FBXO22: variants seen among roughly 807,000 people sequenced by gnomAD.
The protein encoded by FBXO22 is F-box only protein 22.
A neutral mutation model predicts 37.2 loss-of-function variants in FBXO22; 13 were observed. The observed-to-expected ratio is 0.35, with a 90% CI of 0.23 to 0.56. The LOEUF (loss-of-function observed/expected upper bound fraction) is 0.56, where lower values mean the gene tolerates loss of function less well. Ranked by LOEUF, FBXO22 falls within the 20% of genes least tolerant of loss-of-function variation. The probability of loss-of-function intolerance (pLI) is 0.87; values close to 1 mark genes in which losing one functional copy is unlikely to be tolerated. For missense variants in FBXO22, 446 were observed against 509.9 expected (o/e 0.87, Z 1.21); for synonymous variants, 189 against 189.1 (o/e 1.00, Z 0.00).
Position 75,927,707 on chromosome 15 carries a change from G to A in FBXO22, c.629-2177G>A, listed in dbSNP as rs2029876155. 2.0e-5 allele frequency among the ~76,000 whole-genome samples: 3 copies of A among 152,180 alleles called. No individual in the cohort carries two copies. The South Asian group carries it at 6.2e-4, about 32-fold the overall frequency. On this transcript the variant is annotated intron_variant, in intron 5 of 6. Coordinates refer to ENST00000308275, the MANE Select transcript of FBXO22 (RefSeq NM_147188.3). Reference sequence around the variant, plus strand: ...TCATGAAAGTAATATTCTTTTTACTGTCCAAGTCAGTAATTTACTGTGTAG... The same window carrying A: ...TCATGAAAGTAATATTCTTTTTACTATCCAAGTCAGTAATTTACTGTGTAG...
intron 3 of FBXO22, 34 bp from the exon 4 acceptor site, chr15:75,914,076 T>C (rs1417796984): frequency 6.9e-7 from 1 of 1,453,906 alleles, no homozygotes; most frequent in East Asian, 2.3e-5. Flanking sequence ...TTTAAATGGA[T>C]GATATTTATC....
At position 75,917,406 on chromosome 15, in the gene FBXO22, T is replaced by G. The variant is rs1337989657; in HGVS notation, c.628+12T>G. 1 of 1,534,380 alleles carries G rather than the reference T, an allele frequency of 6.5e-7. No individual in the cohort carries two copies. The highest frequency in any genetic ancestry group is 8.9e-7 in the Non-Finnish European group (1 of 1,125,392). On this transcript the variant is annotated intron_variant, in intron 5 of 6. Coordinates refer to ENST00000308275, the MANE Select transcript of FBXO22 (RefSeq NM_147188.3). ...ACTCACTGAAGTAGGTAAGTTACTT[T>G]TATTTATCATTAACTGCTCATTTTA...
intron 6 of FBXO22, among the ~76,000 whole-genome samples, chr15:75,932,439 G>A (rs1238463665): frequency 6.6e-6 from 1 of 152,148 alleles, no homozygotes; most frequent in Non-Finnish European, 1.5e-5. Context: ...AATCGTTATG[G>A]ATGTGCATTG....
chr15:75,933,917 T>C lies in FBXO22; in HGVS notation c.*815T>C, dbSNP rs1373806705. On this transcript the variant is annotated 3_prime_UTR_variant, in exon 7 of 7. Transcript: ENST00000308275. ...ATGAAAACCCAGAATAGTTGGTATG[T>C]CAGCTAGTCATTCCTGTCATATTCC... 1 of 155,776 alleles carries C rather than the reference T, an allele frequency of 6.4e-6. No individual in the cohort carries two copies. Among genetic ancestry groups the C allele is most frequent in the Non-Finnish European group, 1.4e-5 (1 of 69,994 alleles). The allele number at this position is 155,776 out of a possible 1,614,324, so 9.6% of individuals were successfully genotyped here.
At chr15:75,918,966 G>A (rs1417839658) in intron 5 of FBXO22, among the ~76,000 whole-genome samples, 1 of 151,736 alleles carries the variant, frequency 6.6e-6, no homozygotes, top group African/African-American at 2.4e-5. Context: ...TCTTTTTTTT[G>A]TTTGTTTTGG....
rs549857903 is a variant in FBXO22 at position 75,914,138 on chromosome 15, A to G, written c.396A>G (p.Ala132=). The change falls in exon 4 of 7, where the codon GCA becomes GCG. Residue 132 remains alanine (A), a synonymous_variant. Transcript: ENST00000308275. ...RARKRTSMET[A]LALEKLFPKQ... ...GGAAAAGAACTAGTATGGAAACAGC[A>G]CTTGCCCTTGAGAAGCTATTCCCCA... The G allele has an allele frequency of 6.2e-7, 1 of 1,613,750 alleles. No individual in the cohort carries two copies. The highest frequency in any genetic ancestry group is 1.3e-5 in the African/African-American group (1 of 75,040).
At chr15:75,923,211 A>C (rs1340717731) in intron 5 of FBXO22, among the ~76,000 whole-genome samples, 1 of 152,066 alleles carries the variant, frequency 6.6e-6, no homozygotes, top group East Asian at 1.9e-4. Flanking sequence ...AGCAGCAGAA[A>C]CCCTTTTGTG....
chr15:75,930,860 T>A, intron 6 of FBXO22: 1 of 984,042 alleles, frequency 1.0e-6, no homozygotes, highest in Non-Finnish European at 1.2e-6. Flanking sequence ...GGACAGACTG[T>A]TGCAGATCAG....
In FBXO22 at chr15:75,932,887, T is replaced by A; in HGVS notation, c.997T>A (p.Tyr333Asn). ...MFACVGRGFQ[Y>N]YRAKGNVEAD... Reference sequence around the variant, plus strand: ...TGCATGCGTTGGCAGGGGCTTTCAGTATTACAGAGCCAAGGGGAATGTTGA... The same window carrying A: ...TGCATGCGTTGGCAGGGGCTTTCAGAATTACAGAGCCAAGGGGAATGTTGA... Residue 333 changes from tyrosine to asparagine, a missense_variant, in exon 7 of 7, where the codon TAT becomes AAT. This residue lies in a region of FBXO22 where 315 missense variants were observed against 410.1 expected (regional missense o/e 0.77). Coordinates refer to ENST00000308275, the MANE Select transcript of FBXO22 (RefSeq NM_147188.3). The A allele has an allele frequency of 6.2e-7, 1 of 1,614,260 alleles. No individual in the cohort carries two copies. Among genetic ancestry groups the A allele is most frequent in the Non-Finnish European group, 8.5e-7 (1 of 1,180,040 alleles).
intron 2 of FBXO22, among the ~76,000 whole-genome samples, chr15:75,907,259 A>C (rs1400739942): frequency 6.6e-6 from 1 of 152,208 alleles, no homozygotes; most frequent in Non-Finnish European, 1.5e-5. Context: ...TATCTCCATA[A>C]AATAAAAAGA....
Position 75,934,745 on chromosome 15 carries a change from C to T in FBXO22, c.*1643C>T, listed in dbSNP as rs915536374. 2 of 152,054 alleles carry T rather than the reference C, an allele frequency of 1.3e-5. No individual in the cohort carries two copies. The highest frequency in any genetic ancestry group is 1.9e-4 in the East Asian group (1 of 5,192). The allele number at this position is 152,054 out of a possible 1,614,324, so 9.4% of individuals were successfully genotyped here. A position where few individuals can be genotyped will look rare whatever the true frequency, so the allele number is the denominator to read the frequency against. On this transcript the variant is annotated 3_prime_UTR_variant, in exon 7 of 7. Coordinates refer to ENST00000308275, the MANE Select transcript of FBXO22 (RefSeq NM_147188.3). ...ATCAAAATACCTCAAAATTTTAGTC[C>T]TTGAATGTGCTCATATAGCCCATAA...
At chr15:75,932,562 C>A in intron 6 of FBXO22, 123 bp from the exon 7 acceptor site, 5 of 873,822 alleles carry the variant, frequency 5.7e-6, no homozygotes, top group Non-Finnish European at 8.8e-6. Context: ...TGAGGGTGAG[C>A]CTCAGATTAA....
rs183136762 is a variant in FBXO22, at chr15:75,938,019, T to A, written c.*4917T>A. 64 of 152,350 alleles carry A rather than the reference T, an allele frequency of 4.2e-4. No individual in the cohort carries two copies. Among genetic ancestry groups the A allele is most frequent in the African/African-American group, 1.4e-3 (60 of 41,562 alleles). 9.4% of individuals were successfully genotyped at this position (152,350 alleles called of 1,614,324 possible). On this transcript the variant is annotated 3_prime_UTR_variant, in exon 7 of 7. Coordinates refer to ENST00000308275, the MANE Select transcript of FBXO22 (RefSeq NM_147188.3). Reference sequence around the variant, plus strand: ...CGACATGCATGCCCAGGGAAAACACTTGCCCGGAAAGTTCTAAGACCCAAG... The same window carrying A: ...CGACATGCATGCCCAGGGAAAACACATGCCCGGAAAGTTCTAAGACCCAAG...
Position 75,927,605 on chromosome 15 carries a change from A to G in FBXO22, c.629-2279A>G, listed in dbSNP as rs192760281. 3.1e-3 allele frequency among the ~76,000 whole-genome samples: 475 copies of G among 152,314 alleles called. 2 individuals carry two copies. Among genetic ancestry groups the G allele is most frequent in the African/African-American group, 0.011 (456 of 41,556 alleles). ...CTGAAACTTTGTTCTAAAGAAGAAA[A>G]TATATTCTCTTAAAATTTCGTGGGC... On this transcript the variant is annotated intron_variant, in intron 5 of 6. Transcript: ENST00000308275.
In FBXO22 at chr15:75,941,830, G is replaced by C. The variant is rs976090399; in HGVS notation, c.*8728G>C. On this transcript the variant is annotated 3_prime_UTR_variant, in exon 7 of 7. Coordinates refer to ENST00000308275, the MANE Select transcript of FBXO22 (RefSeq NM_147188.3). ...CATGAAAAAGTTCCGGAGGTGCATA[G>C]TGGTGACTGGTACATACAACGAATG... is the stretch of plus-strand genomic sequence containing the variant. 3 of 151,160 alleles carry C rather than the reference G, an allele frequency of 2.0e-5. No individual in the cohort carries two copies. Among genetic ancestry groups the C allele is most frequent in the Admixed American group, 1.3e-4 (2 of 15,110 alleles). 9.4% of individuals were successfully genotyped at this position (151,160 alleles called of 1,614,324 possible). A position where few individuals can be genotyped will look rare whatever the true frequency, so the allele number is the denominator to read the frequency against.
chr15:75,907,222 T>C (rs951787905), intron 2 of FBXO22, among the ~76,000 whole-genome samples: 2 of 152,212 alleles, frequency 1.3e-5, no homozygotes, highest in African/African-American at 4.8e-5. Flanking sequence ...TTGAAAAAGC[T>C]ACTCAACCTC....
rs185490469 is a variant in FBXO22 at position 75,914,266 on chromosome 15, G to A, written c.463+61G>A. ...GCATTAATGTGGGGTCCTTTGGATT[G>A]GTGAGTTATTTTTAGCTTAGAACCA... is the stretch of plus-strand genomic sequence containing the variant. On this transcript the variant is annotated intron_variant, in intron 4 of 6. Coordinates refer to ENST00000308275, the MANE Select transcript of FBXO22 (RefSeq NM_147188.3). 4.0e-3 allele frequency: 4,690 copies of A among 1,184,580 alleles called. 13 individuals are homozygous for A. The highest frequency in any genetic ancestry group is 5.2e-3 in the Non-Finnish European group (4,187 of 802,514). 73.4% of individuals were successfully genotyped at this position (1,184,580 alleles called of 1,614,324 possible).
intron 4 of FBXO22, 33 bp from the exon 5 acceptor site, chr15:75,917,197 T>C: frequency 1.3e-6 from 2 of 1,542,208 alleles, no homozygotes; most frequent in Non-Finnish European, 8.9e-7. Flanking sequence ...TTTTACTGAC[T>C]CTATTGGTGA....
At chr15:75,916,337 A>C (rs935041952) in intron 4 of FBXO22, among the ~76,000 whole-genome samples, 3 of 152,162 alleles carry the variant, frequency 2.0e-5, no homozygotes, top group Admixed American at 2.0e-4. Context: ...TTATTTTCTC[A>C]CAGTTTGGGA....
Sources: allele counts gnomAD v4.1 joint callset (sites outside exome capture counted in the v4.1 genomes callset), GRCh38; gene constraint gnomAD v4.1.1; regional missense constraint gnomAD v4.1.1; transcripts MANE v1.5; gene names NCBI Gene and HGNC (gene_info 2026-07-23, HGNC 2026-07-21).